SOS2: variants seen among roughly 807,000 people sequenced by gnomAD.
SOS2 encodes son of sevenless homolog 2.
Under a neutral mutation model 148.2 loss-of-function variants are expected in SOS2, and 65 were observed. The observed-to-expected ratio is 0.44, with a 90% CI of 0.36 to 0.54. The LOEUF (loss-of-function observed/expected upper bound fraction) is 0.54. SOS2 is among the 20% of genes least tolerant of loss of function. The pLI, the probability that SOS2 is intolerant of heterozygous loss-of-function variation, is 0.00. For synonymous variants in SOS2, 539 were observed against 537.1 expected (o/e 1.00, Z -0.05); for missense variants, 1,341 against 1,590.2 (o/e 0.84, Z 2.67).
intron 21 of SOS2, among the ~76,000 whole-genome samples, chr14:50,128,881 A>G (rs1237599380): frequency 1.3e-5 from 2 of 152,146 alleles, no homozygotes; most frequent in East Asian, 3.8e-4. Context: ...CAGCCTCCCA[A>G]AGTGGTAGGA....
chr14:50,188,364 C>T (rs796804162), intron 5 of SOS2, 133 bp downstream of exon 5: 13 of 628,696 alleles, frequency 2.1e-5, no homozygotes, highest in African/African-American at 5.6e-5. Flanking sequence ...GCTGAGATCA[C>T]GCCACTGCAC....
chr14:50,152,579 A>T (rs1755389034), intron 13 of SOS2, among the ~76,000 whole-genome samples: 2 of 152,198 alleles, frequency 1.3e-5, no homozygotes, highest in African/African-American at 4.8e-5. Flanking sequence ...AAGTTCTGAG[A>T]CCTCAGATGA....
chr14:50,160,388 T>C (rs1884959595), intron 9 of SOS2, among the ~76,000 whole-genome samples: 5 of 13,692 alleles, frequency 3.7e-4, no homozygotes, highest in East Asian at 0.012. Flanking sequence ...TCTTTTTTTT[T>C]TTTTTTTTTT....
At chr14:50,167,806 G>A (rs569641331) in intron 8 of SOS2, among the ~76,000 whole-genome samples, 12 of 53,624 alleles carry the variant, frequency 2.2e-4, no homozygotes, top group African/African-American at 1.0e-3. Context: ...GGAGGTGGGG[G>A]TTGTAGTGAG....
chr14:50,230,770 G>T (rs750004220), intron 1 of SOS2: 2 of 280,566 alleles, frequency 7.1e-6, no homozygotes, highest in Non-Finnish European at 1.1e-5. Context: ...CCTCATAAGT[G>T]GATACCCTTG....
intron 19 of SOS2, among the ~76,000 whole-genome samples, chr14:50,132,984 AT>A (rs1198215462): frequency 6.6e-6 from 1 of 151,758 alleles, no homozygotes; most frequent in East Asian, 1.9e-4. Context: ...TTTCCTAATT[AT>A]AAAAAAAAAA....
intron 4 of SOS2, among the ~76,000 whole-genome samples, chr14:50,189,305 T>C (rs766357272): frequency 1.3e-3 from 86 of 68,686 alleles, no homozygotes; most frequent in South Asian, 5.5e-3. Flanking sequence ...TATACTGTAA[T>C]ACACACACAC....
intron 16 of SOS2, among the ~76,000 whole-genome samples, chr14:50,141,902 G>A (rs778101883): frequency 3.9e-5 from 6 of 152,160 alleles, no homozygotes; most frequent in Middle Eastern, 3.4e-3. Context: ...AGTGGCACTG[G>A]CACAAGAGTG....
chr14:50,218,414 T>C (rs570072163), intron 1 of SOS2, among the ~76,000 whole-genome samples: 1 of 151,884 alleles, frequency 6.6e-6, no homozygotes, highest in South Asian at 2.1e-4. Context: ...TCCCAGCTAC[T>C]TGGGAGGCTG....
chr14:50,120,106 G>A (rs1052046099), intron 22 of SOS2, among the ~76,000 whole-genome samples, 169 bp downstream of exon 22: 1 of 152,050 alleles, frequency 6.6e-6, no homozygotes, highest in Non-Finnish European at 1.5e-5. Flanking sequence ...ATTTAGAAAA[G>A]GTTTTTATAA....
chr14:50,159,398 C>A lies in SOS2; in HGVS notation c.1852+33G>T, dbSNP rs1594980295. ...CTTAAAAAGCTTTTGGGTCCCAGGC[C>A]CTAGGTCAGCAGTTGTAATGAGTTT... On this transcript the variant is annotated intron_variant, in intron 10 of 22. Transcript: ENST00000216373. 3 of 1,466,660 alleles carry A rather than the reference C, an allele frequency of 2.0e-6. 1 individual carries two copies. In the East Asian group the frequency reaches 6.9e-5, roughly 34 times the overall value. The allele number at this position is 1,466,660 out of a possible 1,614,324, so 90.9% of individuals were successfully genotyped here. A position where few individuals can be genotyped will look rare whatever the true frequency, so the allele number is the denominator to read the frequency against.
chr14:50,139,491 C>T lies in SOS2; in HGVS notation c.2785+451G>A, dbSNP rs532762702. The stretch of plus-strand genomic sequence containing the variant: ...TTACGCACACGACAGCCCATCACAA[C>T]AAAGAATTATTTGGCCCAAAATACC... On this transcript the variant is annotated intron_variant, in intron 17 of 22. Transcript: ENST00000216373. Among the ~76,000 whole-genome samples the T allele has an allele frequency of 2.0e-5, 3 of 152,264 alleles. No individual in the cohort carries two copies. In the South Asian group the frequency reaches 6.2e-4, roughly 32 times the overall value.
chr14:50,140,425 G>A (rs2024809), intron 16 of SOS2, among the ~76,000 whole-genome samples: 91,764 of 152,042 alleles, frequency 0.6, 28,330 homozygotes, highest in Middle Eastern at 0.68. Context: ...AAAGGTTGGG[G>A]TTTTGTTAAG....
chr14:50,117,384 TAAA>T lies in SOS2; in HGVS notation c.*957_*959del, dbSNP rs1181702413. On this transcript the variant is annotated 3_prime_UTR_variant, in exon 23 of 23. Transcript: ENST00000216373. ...TTTGCTGGTTTAAATATTACCAATC[TAAA>T]AAATATATTTAAAAAAAATTTCAGT... The T allele has an allele frequency of 6.6e-6, 1 of 152,166 alleles. No individual in the cohort carries two copies. Among genetic ancestry groups the T allele is most frequent in the Non-Finnish European group, 1.5e-5 (1 of 68,040 alleles). The allele number at this position is 152,166 out of a possible 1,614,324, so 9.4% of individuals were successfully genotyped here. A position where few individuals can be genotyped will look rare whatever the true frequency, so the allele number is the denominator to read the frequency against.
intron 4 of SOS2, among the ~76,000 whole-genome samples, chr14:50,196,354 T>C (rs931353576): frequency 4.6e-5 from 7 of 152,332 alleles, no homozygotes; most frequent in Non-Finnish European, 7.4e-5. Context: ...TGCAGGCATA[T>C]AATGCACACA....
intron 4 of SOS2, among the ~76,000 whole-genome samples, chr14:50,192,879 A>G (rs1286546164): frequency 6.6e-6 from 1 of 152,024 alleles, no homozygotes; most frequent in Non-Finnish European, 1.5e-5. Flanking sequence ...GAAAAAAAAA[A>G]GTATAATTCA....
chr14:50,130,037 G>C (rs772331055), intron 20 of SOS2, 35 bp from the exon 21 acceptor site: 24 of 1,359,192 alleles, frequency 1.8e-5, no homozygotes, highest in Middle Eastern at 1.8e-4. Context: ...TGAAAAGGAA[G>C]GTAACATGTA....
rs935249167 is a variant in SOS2, at chr14:50,118,823, C to T, written c.3520G>A (p.Ala1174Thr). 4.1e-6 allele frequency: 6 copies of T among 1,461,128 alleles called. No homozygotes were observed. The African/African-American group carries it at 6.0e-5, about 15-fold the overall frequency. The allele number at this position is 1,461,128 out of a possible 1,614,324, so 90.5% of individuals were successfully genotyped here. A position where few individuals can be genotyped will look rare whatever the true frequency, so the allele number is the denominator to read the frequency against. Residue 1174 changes from alanine (A) to threonine (T), a missense_variant, in exon 23 of 23, where the codon GCT becomes ACT. Transcript: ENST00000216373. ...GGAGGAGGCTGTCTCGGTGGAATAG[C>T]AGGAGGATCATCATCAGATTTCATA... ...GNMKSDDDPPAIPPRQPPPPK... is the reference protein window; with the variant it reads ...GNMKSDDDPPTIPPRQPPPPK...
At chr14:50,227,368 C>T (rs568965012) in intron 1 of SOS2, among the ~76,000 whole-genome samples, 4 of 151,228 alleles carry the variant, frequency 2.6e-5, no homozygotes, top group Admixed American at 6.6e-5. Flanking sequence ...CTCAGCCTCC[C>T]GAGTAGCTGG....
Sources: gnomAD v4.1 joint callset for allele counts (sites outside exome capture counted in the v4.1 genomes callset) on GRCh38, gnomAD v4.1.1 for gene constraint, MANE v1.5 for transcripts, NCBI Gene and HGNC (gene_info 2026-07-23, HGNC 2026-07-21) for gene names.